Variants in SEMA5A observed in about 807,000 individuals in gnomAD.
SEMA5A encodes the protein semaphorin-5A.
In SEMA5A, 55 loss-of-function variants were observed where a neutral mutation model predicts 135.5. That is an observed-to-expected ratio of 0.41 (90% CI 0.33 to 0.51). The LOEUF (loss-of-function observed/expected upper bound fraction) is 0.51, where lower values mean the gene tolerates loss of function less well. Among genes scored for constraint, SEMA5A ranks in the 20% least tolerant of loss-of-function variants. The pLI, the probability that SEMA5A is intolerant of heterozygous loss-of-function variation, is 0.37. For missense variants in SEMA5A, 1,290 were observed against 1,419.9 expected (o/e 0.91, Z 1.47); for synonymous variants, 580 against 546.5 (o/e 1.06, Z -0.85).
At chr5:9,336,379 A>G (rs928181029) in intron 4 of SEMA5A, among the ~76,000 whole-genome samples, 12 of 152,164 alleles carry the variant, frequency 7.9e-5, no homozygotes, top group African/African-American at 2.7e-4. Context: ...TTTTTAAAAG[A>G]TGATGTTGGC....
At chr5:9,304,681 G>T (rs1579312310) in intron 5 of SEMA5A, among the ~76,000 whole-genome samples, 3 of 151,956 alleles carry the variant, frequency 2.0e-5, no homozygotes. Flanking sequence ...TTATTCACTG[G>T]CTCCTTTTTA....
chr5:9,131,606 TC>T (rs1741423282), intron 13 of SEMA5A, among the ~76,000 whole-genome samples: 1 of 67,874 alleles, frequency 1.5e-5, no homozygotes, highest in African/African-American at 7.2e-5. Context: ...AGACTCCATC[TC>T]AAAAAAAAAA....
chr5:9,329,507 T>C (rs1358991543), intron 4 of SEMA5A, among the ~76,000 whole-genome samples: 1 of 152,256 alleles, frequency 6.6e-6, no homozygotes, highest in African/African-American at 2.4e-5. Context: ...CTCTAATGCC[T>C]AAGAAGCTTC....
At chr5:9,221,568 C>T (rs1158136209) in intron 8 of SEMA5A, among the ~76,000 whole-genome samples, 2 of 152,122 alleles carry the variant, frequency 1.3e-5, no homozygotes, top group African/African-American at 4.8e-5. Context: ...TCCCAAAGTG[C>T]TGGGATTACA....
At chr5:9,158,753 C>G (rs1004068901) in intron 11 of SEMA5A, among the ~76,000 whole-genome samples, 2 of 152,184 alleles carry the variant, frequency 1.3e-5, no homozygotes, top group African/African-American at 4.8e-5. Flanking sequence ...AGATACTCAT[C>G]ATGAAAGGGA....
At chr5:9,401,122 CT>C (rs1166261480) in intron 2 of SEMA5A, among the ~76,000 whole-genome samples, 1 of 152,012 alleles carries the variant, frequency 6.6e-6, no homozygotes, top group Non-Finnish European at 1.5e-5. Flanking sequence ...TTTTTTTCCA[CT>C]GTTCAAGCAA....
intron 8 of SEMA5A, among the ~76,000 whole-genome samples, chr5:9,210,366 C>A (rs1459123026): frequency 6.6e-6 from 1 of 152,172 alleles, no homozygotes; most frequent in Admixed American, 6.5e-5. Context: ...ACTCATGTCA[C>A]TTAACCACAC....
intron 1 of SEMA5A, among the ~76,000 whole-genome samples, chr5:9,482,901 T>G (rs1192943237): frequency 6.6e-6 from 1 of 152,232 alleles, no homozygotes; most frequent in African/African-American, 2.4e-5. Context: ...GAATGGAGAT[T>G]GTTTCCTTTG....
chr5:9,372,571 G>A (rs115256378), intron 3 of SEMA5A, among the ~76,000 whole-genome samples: 316 of 152,050 alleles, frequency 2.1e-3, no homozygotes, highest in Non-Finnish European at 3.4e-3. Flanking sequence ...TGGAGCTGTG[G>A]GACACACATG....
chr5:9,056,866 G>T (rs1460732351), intron 18 of SEMA5A, among the ~76,000 whole-genome samples: 1 of 152,180 alleles, frequency 6.6e-6, no homozygotes, highest in Non-Finnish European at 1.5e-5. Flanking sequence ...CAAAATTTCA[G>T]AACAACCTAA....
chr5:9,480,835 A>G (rs1166068074), intron 1 of SEMA5A, among the ~76,000 whole-genome samples: 1 of 152,222 alleles, frequency 6.6e-6, no homozygotes, highest in Non-Finnish European at 1.5e-5. Context: ...GAATTATATC[A>G]GGTAAAATTT....
chr5:9,371,508 G>A (rs1755134054), intron 3 of SEMA5A, among the ~76,000 whole-genome samples: 1 of 152,158 alleles, frequency 6.6e-6, no homozygotes, highest in Non-Finnish European at 1.5e-5. Flanking sequence ...GAATTGAAAA[G>A]TGGTTTTTTA....
chr5:9,466,554 G>C (rs980982130), intron 1 of SEMA5A, among the ~76,000 whole-genome samples: 1 of 151,988 alleles, frequency 6.6e-6, no homozygotes, highest in Admixed American at 6.6e-5. Flanking sequence ...AAACAAAAGG[G>C]TAAAACTTAG....
intron 2 of SEMA5A, among the ~76,000 whole-genome samples, chr5:9,418,798 T>A (rs114807365): frequency 6.6e-6 from 1 of 152,352 alleles, no homozygotes; most frequent in African/African-American, 2.4e-5. Context: ...AGACATCTGT[T>A]GGTGCTAAGA....
At position 9,154,650 on chromosome 5, in the gene SEMA5A, G is replaced by C; in HGVS notation, c.1319C>G (p.Ser440Ter). 1 of 1,614,096 alleles carries C rather than the reference G, an allele frequency of 6.2e-7. No homozygotes were observed. Among genetic ancestry groups the C allele is most frequent in the Non-Finnish European group, 8.5e-7 (1 of 1,180,018 alleles). ...KKVRVPLNQT[S>*]SSCLLEEIEL... ...AATCTCTTCCAGCAAACAGCTGCTT[G>C]AGGTCTGATTCAGGGGTACCCGCAC... The change falls in exon 12 of 23, where the codon TCA becomes TGA. Residue 440 changes from serine to a stop codon, truncating the protein, a stop_gained. Transcript: ENST00000382496. LOFTEE classifies it high-confidence loss of function.
intron 10 of SEMA5A, among the ~76,000 whole-genome samples, chr5:9,195,920 G>T (rs1368377976): frequency 2.0e-5 from 3 of 152,248 alleles, no homozygotes; most frequent in Admixed American, 6.5e-5. Flanking sequence ...CTAGGATTTT[G>T]CATCTGAGGA....
chr5:9,126,998 C>T (rs896173759), intron 13 of SEMA5A, among the ~76,000 whole-genome samples: 2 of 152,136 alleles, frequency 1.3e-5, no homozygotes, highest in African/African-American at 4.8e-5. Flanking sequence ...CAAGCCCTTA[C>T]CATTGTGAAT....
At chr5:9,195,515 C>T (rs1186812758) in intron 10 of SEMA5A, among the ~76,000 whole-genome samples, 2 of 152,142 alleles carry the variant, frequency 1.3e-5, no homozygotes, top group Non-Finnish European at 2.9e-5. Flanking sequence ...GTAAACAATG[C>T]ACATTATTCA....
chr5:9,539,864 T>G (rs184390606), intron 1 of SEMA5A, among the ~76,000 whole-genome samples: 2 of 152,342 alleles, frequency 1.3e-5, no homozygotes, highest in African/African-American at 2.4e-5. Flanking sequence ...CTGTGCAAAT[T>G]GTTGTGTATT....
Sources: gnomAD v4.1 joint callset for allele counts (sites outside exome capture counted in the v4.1 genomes callset) on GRCh38, gnomAD v4.1.1 for gene constraint, MANE v1.5 for transcripts, NCBI Gene and HGNC (gene_info 2026-07-23, HGNC 2026-07-21) for gene names.